The following IFT74 variants were observed in gnomAD, a reference collection of about 807,000 sequenced individuals.
IFT74 encodes the protein intraflagellar transport protein 74 homolog.
IFT74 carries 92 observed loss-of-function variants against 96.7 expected under a neutral mutation model. The observed-to-expected ratio is 0.95, with a 90% CI of 0.80 to 1.13. The LOEUF (loss-of-function observed/expected upper bound fraction) is 1.13. Among genes scored for constraint, IFT74 ranks in the 50% most tolerant of loss-of-function variants. The probability of loss-of-function intolerance (pLI) is 0.00; values close to 1 mark genes in which losing one functional copy is unlikely to be tolerated. For synonymous variants in IFT74, 223 were observed against 213.2 expected (o/e 1.05, Z -0.40); for missense variants, 811 against 698.2 (o/e 1.16, Z -1.82).
chr9:27,026,770 A>T (rs1829879811), intron 12 of IFT74, among the ~76,000 whole-genome samples: 1 of 152,202 alleles, frequency 6.6e-6, no homozygotes, highest in South Asian at 2.1e-4. Context: ...AATTCTTTGA[A>T]CTGAACAATA....
At chr9:27,043,319 A>C (rs1202618130) in intron 13 of IFT74, among the ~76,000 whole-genome samples, 1 of 152,238 alleles carries the variant, frequency 6.6e-6, no homozygotes, top group Non-Finnish European at 1.5e-5. Flanking sequence ...TCTTCAGACC[A>C]GAAGGCAGAA....
intron 2 of IFT74, among the ~76,000 whole-genome samples, chr9:26,968,267 T>A (rs1273859048): frequency 1.7e-4 from 14 of 80,934 alleles, no homozygotes; most frequent in African/African-American, 1.1e-3. Flanking sequence ...AAAAAAAAAT[T>A]TTTTTTTTTT....
At chr9:27,005,352 T>G (rs796536833) in intron 8 of IFT74, among the ~76,000 whole-genome samples, 1 of 18,950 alleles carries the variant, frequency 5.3e-5, no homozygotes. Flanking sequence ...TGAAACCATT[T>G]CCCCCCCCGC....
chr9:26,962,047 G>T lies in IFT74; in HGVS notation c.80G>T (p.Gly27Val), dbSNP rs1450814646. 1 of 1,614,110 alleles carries T rather than the reference G, an allele frequency of 6.2e-7. No homozygotes were observed. The highest frequency in any genetic ancestry group is 8.5e-7 in the Non-Finnish European group (1 of 1,180,008). ...GGGTTAACAGGAAGGCCTCCTTCTG[G>T]GATACGACCCCTATCAGGAAATATT... ...GVGLTGRPPS[G>V]IRPLSGNIRV... Residue 27 changes from glycine to valine, a missense_variant, in exon 2 of 20, where the codon GGG becomes GTG. Physicochemically the swap from Gly to Val is moderately radical, Grantham distance 109 (BLOSUM62 -3). Coordinates refer to ENST00000380062, the MANE Select transcript of IFT74 (RefSeq NM_025103.4).
intron 8 of IFT74, among the ~76,000 whole-genome samples, chr9:27,006,322 G>T (rs561916768): frequency 4.7e-4 from 71 of 152,136 alleles, no homozygotes; most frequent in Non-Finnish European, 5.0e-4. Flanking sequence ...CTGAGGTCAG[G>T]TGCAGAGTCT....
chr9:27,048,005 T>C (rs1401565324), intron 15 of IFT74, 143 bp from the exon 16 acceptor site: 12 of 448,130 alleles, frequency 2.7e-5, no homozygotes. Context: ...TCATTTTCTA[T>C]ACAATATATA....
intron 12 of IFT74, among the ~76,000 whole-genome samples, chr9:27,021,911 G>A (rs938248328): frequency 2.0e-5 from 3 of 152,092 alleles, no homozygotes; most frequent in Non-Finnish European, 4.4e-5. Flanking sequence ...TGCTTATGCC[G>A]ATGTCTAGAA....
At chr9:26,991,118 TACCTCTGCATAAA>T (rs1241241346) in intron 8 of IFT74, among the ~76,000 whole-genome samples, 2 of 152,228 alleles carry the variant, frequency 1.3e-5, no homozygotes, top group African/African-American at 4.8e-5. Context: ...ACTCTCTTGT[TACCTCTGCATAAA>T]ACAGTAAATA....
chr9:26,983,810 G>A (rs1331100114), intron 4 of IFT74: 1 of 119,228 alleles, frequency 8.4e-6, no homozygotes, highest in African/African-American at 3.3e-5. Flanking sequence ...CTGAGATGGT[G>A]TCTCCCTCTG....
chr9:26,988,201 G>A (rs761489809), intron 6 of IFT74, among the ~76,000 whole-genome samples: 7 of 151,836 alleles, frequency 4.6e-5, no homozygotes, highest in East Asian at 1.9e-4. Flanking sequence ...ATCCGCCCGC[G>A]TCAGCCTCCC....
At chr9:26,972,632 CATACAAAA>C (rs1213091115) in intron 2 of IFT74, among the ~76,000 whole-genome samples, 1 of 152,182 alleles carries the variant, frequency 6.6e-6, no homozygotes, top group Non-Finnish European at 1.5e-5. Flanking sequence ...GTAAGTTTTT[CATACAAAA>C]ATTTACTTTT....
At chr9:26,979,192 A>G (rs902477544) in intron 3 of IFT74, among the ~76,000 whole-genome samples, 2 of 151,900 alleles carry the variant, frequency 1.3e-5, no homozygotes, top group Non-Finnish European at 2.9e-5. Context: ...TCTACATTCT[A>G]ATAACATCTA....
Position 27,047,179 on chromosome 9 carries a change from A to G in IFT74, c.1109-95A>G, listed in dbSNP as rs1175823607. On this transcript the variant is annotated intron_variant, in intron 14 of 19. Transcript: ENST00000380062. The stretch of plus-strand genomic sequence containing the variant: ...GAGTGAGACTCTGTCTCAAAAAAAG[A>G]AAATTCTAAAAAGCACTCTTAAGAA... 4 of 710,060 alleles carry G rather than the reference A, an allele frequency of 5.6e-6. No homozygotes were observed. In the East Asian group the frequency reaches 9.0e-5, roughly 16 times the overall value. 44.0% of individuals were successfully genotyped at this position (710,060 alleles called of 1,614,324 possible). A position where few individuals can be genotyped will look rare whatever the true frequency, so the allele number is the denominator to read the frequency against.
Position 27,007,639 on chromosome 9 carries a change from A to G in IFT74, c.588-1381A>G, listed in dbSNP as rs142658022. 4.1e-3 allele frequency among the ~76,000 whole-genome samples: 631 copies of G among 152,210 alleles called. 6 individuals are homozygous for G. Among genetic ancestry groups the G allele is most frequent in the African/African-American group, 0.015 (614 of 41,540 alleles). Reference sequence around the variant, plus strand: ...TATTTTGAGATTTTTTTTGGTAGGGAAATTTCTGAGTTTAGGTTGTTTATT... The same window carrying G: ...TATTTTGAGATTTTTTTTGGTAGGGGAATTTCTGAGTTTAGGTTGTTTATT... On this transcript the variant is annotated intron_variant, in intron 8 of 19. Transcript: ENST00000380062.
rs768752135 is a variant in IFT74, at chr9:27,060,581, A to T, written c.1624-10A>T. ...GGGTCCTAATTAATATTTTTCTTTT[A>T]TGTTTTTAGCTTACAAATTTGGAGA... On this transcript the variant is annotated splice_polypyrimidine_tract_variant and intron_variant, in intron 18 of 19. Coordinates refer to ENST00000380062, the MANE Select transcript of IFT74 (RefSeq NM_025103.4). 38 of 1,576,788 alleles carry T rather than the reference A, an allele frequency of 2.4e-5. No individual in the cohort carries two copies. In the South Asian group the frequency reaches 4.1e-4, roughly 17 times the overall value.
At chr9:27,012,034 A>G (rs946251436) in intron 10 of IFT74, 66 bp downstream of exon 10, 1 of 983,564 alleles carries the variant, frequency 1.0e-6, no homozygotes, top group Non-Finnish European at 1.5e-6. Context: ...AGCCAAGTAT[A>G]TTAATATAAC....
intron 12 of IFT74, among the ~76,000 whole-genome samples, chr9:27,022,216 T>C (rs923934814): frequency 1.3e-5 from 2 of 152,248 alleles, no homozygotes; most frequent in African/African-American, 4.8e-5. Context: ...AATACAATAC[T>C]GTTTTGGTGA....
At chr9:26,973,565 C>A (rs1326675098) in intron 2 of IFT74, among the ~76,000 whole-genome samples, 1 of 152,126 alleles carries the variant, frequency 6.6e-6, no homozygotes. Flanking sequence ...GTGAGGAATC[C>A]CTTAGGGCCA....
intron 19 of IFT74, among the ~76,000 whole-genome samples, chr9:27,061,302 C>G (rs1303401868): frequency 6.6e-6 from 1 of 152,156 alleles, no homozygotes; most frequent in African/African-American, 2.4e-5. Context: ...TTTTAAATGT[C>G]AACTCTACTG....
Sources: gnomAD v4.1 joint callset for allele counts (sites outside exome capture counted in the v4.1 genomes callset) on GRCh38, gnomAD v4.1.1 for gene constraint, MANE v1.5 for transcripts, NCBI Gene and HGNC (gene_info 2026-07-23, HGNC 2026-07-21) for gene names.